ASXL3: variants seen among roughly 807,000 people sequenced by gnomAD.
The protein encoded by ASXL3 is ASXL transcriptional regulator 3.
A neutral mutation model predicts 170.6 loss-of-function variants in ASXL3; 34 were observed. The ratio of observed to expected loss-of-function variants is 0.20; its 90% CI spans 0.15 to 0.27. The LOEUF (loss-of-function observed/expected upper bound fraction) is 0.27. ASXL3 is among the 10% of genes least tolerant of loss of function. The probability of loss-of-function intolerance (pLI) is 1.00; values close to 1 mark genes in which losing one functional copy is unlikely to be tolerated. For missense variants in ASXL3, 2,592 were observed against 2,695.3 expected, an observed-to-expected ratio of 0.96 and a Z score of 0.85; for synonymous variants, 1,002 against 989.1, an observed-to-expected ratio of 1.01 and a Z score of -0.24.
intron 2 of ASXL3, chr18:33,614,446 A>C (rs2065387381): frequency 6.6e-6 from 1 of 152,146 alleles, no homozygotes; most frequent in South Asian, 2.1e-4. Context: ...ATCTGCAGTT[A>C]GTTCCACCAC....
At chr18:33,707,014 C>A (rs375210827) in intron 8 of ASXL3, among the ~76,000 whole-genome samples, 4 of 151,794 alleles carry the variant, frequency 2.6e-5, no homozygotes, top group South Asian at 4.2e-4. Context: ...TTCTTCCCCC[C>A]ACCCCCACAG....
chr18:33,702,466 G>A (rs2066889102), intron 8 of ASXL3, among the ~76,000 whole-genome samples: 1 of 152,140 alleles, frequency 6.6e-6, no homozygotes, highest in Non-Finnish European at 1.5e-5. Flanking sequence ...AAGGGGCACA[G>A]CCTTGGTTGG....
chr18:33,593,592 G>A (rs748888912), intron 1 of ASXL3, among the ~76,000 whole-genome samples: 14 of 152,074 alleles, frequency 9.2e-5, no homozygotes, highest in South Asian at 2.1e-4. Context: ...CCAGACGAGC[G>A]ACGTTTGTCC....
chr18:33,622,720 A>C (rs2065534062), intron 2 of ASXL3, among the ~76,000 whole-genome samples: 1 of 152,130 alleles, frequency 6.6e-6, no homozygotes, highest in Non-Finnish European at 1.5e-5. Flanking sequence ...CAGCTGGAAG[A>C]AGGGGCATGC....
chr18:33,670,650 T>C (rs778561904), intron 5 of ASXL3, 23 bp from the exon 6 acceptor site: 110 of 1,476,076 alleles, frequency 7.5e-5, no homozygotes, highest in Non-Finnish European at 9.9e-5. Flanking sequence ...TTTTATGTTA[T>C]ATCTTTTTAT....
At chr18:33,730,961 T>C (rs1054967196) in intron 8 of ASXL3, among the ~76,000 whole-genome samples, 24 of 152,190 alleles carry the variant, frequency 1.6e-4, no homozygotes, top group African/African-American at 5.3e-4. Context: ...ATCTGTGGCC[T>C]CCCTATAAAT....
intron 7 of ASXL3, among the ~76,000 whole-genome samples, chr18:33,675,865 T>C (rs4799708): frequency 0.036 from 5,460 of 151,922 alleles, 329 homozygotes; most frequent in African/African-American, 0.12. Context: ...AAAACAACAA[T>C]AAGAAGAAGA....
At chr18:33,672,954 C>T (rs2066368758) in intron 7 of ASXL3, among the ~76,000 whole-genome samples, 1 of 152,010 alleles carries the variant, frequency 6.6e-6, no homozygotes, top group African/African-American at 2.4e-5. Flanking sequence ...ATATAGCATA[C>T]TTCTTTGTTT....
chr18:33,742,487 A>G (rs2067680450), intron 11 of ASXL3, among the ~76,000 whole-genome samples: 1 of 152,158 alleles, frequency 6.6e-6, no homozygotes. Flanking sequence ...AGACAGACAA[A>G]CTCAAATAGA....
intron 4 of ASXL3, among the ~76,000 whole-genome samples, chr18:33,660,817 G>A (rs954740845): frequency 1.3e-5 from 2 of 152,142 alleles, no homozygotes; most frequent in Non-Finnish European, 1.5e-5. Context: ...GGACTCAGAA[G>A]TCTGTCCGTT....
At position 33,671,672 on chromosome 18, in the gene ASXL3, C is replaced by G. The variant is rs538937439; in HGVS notation, c.596-75C>G. 11 of 1,356,646 alleles carry G rather than the reference C, an allele frequency of 8.1e-6. No homozygotes were observed. In the South Asian group the frequency reaches 1.4e-4, roughly 17 times the overall value. The allele number at this position is 1,356,646 out of a possible 1,614,324, so 84.0% of individuals were successfully genotyped here. On this transcript the variant is annotated intron_variant, in intron 6 of 11. Coordinates refer to ENST00000269197, the MANE Select transcript of ASXL3 (RefSeq NM_030632.3). The stretch of plus-strand genomic sequence containing the variant: ...GAAAAGGAGATTATATCTACAGTTC[C>G]TCAAACAATTTTAGATTTTTCTTTT...
intron 2 of ASXL3, among the ~76,000 whole-genome samples, chr18:33,608,588 A>G (rs2065285551): frequency 6.6e-6 from 1 of 151,966 alleles, no homozygotes; most frequent in Admixed American, 6.6e-5. Context: ...AAAAAGGTTT[A>G]CTATAGGATA....
intron 4 of ASXL3, among the ~76,000 whole-genome samples, chr18:33,647,471 A>G (rs1006058268): frequency 1.1e-4 from 17 of 151,944 alleles, no homozygotes; most frequent in African/African-American, 2.2e-4. Context: ...TATCCCCCCA[A>G]TTGTTGTGGT....
At chr18:33,718,073 A>T (rs1414882505) in intron 8 of ASXL3, among the ~76,000 whole-genome samples, 1 of 152,158 alleles carries the variant, frequency 6.6e-6, no homozygotes, top group Non-Finnish European at 1.5e-5. Flanking sequence ...TAACAAAAGT[A>T]TCACAAAACT....
chr18:33,622,225 AAATGCTTTGTGT>A (rs1374749044), intron 2 of ASXL3, among the ~76,000 whole-genome samples: 1 of 152,162 alleles, frequency 6.6e-6, no homozygotes. Context: ...CAGAGCTATC[AAATGCTTTGTGT>A]AATTAATTCA....
intron 8 of ASXL3, among the ~76,000 whole-genome samples, chr18:33,689,058 A>G (rs1208365146): frequency 6.6e-6 from 1 of 151,140 alleles, no homozygotes; most frequent in Admixed American, 6.6e-5. Flanking sequence ...CAGTGGCGTG[A>G]TCTCCGCTCA....
At chr18:33,740,554 T>C in intron 11 of ASXL3, 111 bp downstream of exon 11, 1 of 1,079,892 alleles carries the variant, frequency 9.3e-7, no homozygotes, top group Non-Finnish European at 1.3e-6. Context: ...TATGCAGCAG[T>C]TTATAATCTA....
At chr18:33,586,387 A>G (rs999315971) in intron 1 of ASXL3, among the ~76,000 whole-genome samples, 5 of 148,758 alleles carry the variant, frequency 3.4e-5, no homozygotes, top group Admixed American at 2.6e-4. Context: ...ACAAGTATAT[A>G]TAAGAAAATT....
At chr18:33,628,719 G>C (rs570238858) in intron 2 of ASXL3, among the ~76,000 whole-genome samples, 93 of 148,974 alleles carry the variant, frequency 6.2e-4, no homozygotes, top group Non-Finnish European at 1.1e-3. Context: ...GTTTATAAAA[G>C]CTTTTTTTGT....
Sources: allele counts gnomAD v4.1 joint callset (sites outside exome capture counted in the v4.1 genomes callset), GRCh38; gene constraint gnomAD v4.1.1; transcripts MANE v1.5; gene names NCBI Gene and HGNC (gene_info 2026-07-23, HGNC 2026-07-21).